ASB2: variants seen among roughly 807,000 people sequenced by gnomAD.
The protein encoded by ASB2 is ankyrin repeat and SOCS box protein 2.
ASB2 carries 58 observed loss-of-function variants against 62.4 expected under a neutral mutation model. That is an observed-to-expected ratio of 0.93 (90% CI 0.75 to 1.16). The LOEUF (loss-of-function observed/expected upper bound fraction) is 1.16. Ranked by LOEUF, ASB2 falls within the 50% of genes most tolerant of loss-of-function variation. The probability of loss-of-function intolerance (pLI) is 0.00; values close to 1 mark genes in which losing one functional copy is unlikely to be tolerated. For synonymous variants in ASB2, 386 were observed against 385.3 expected, an observed-to-expected ratio of 1.00 and a Z score of -0.02; for missense variants, 928 against 887.9, an observed-to-expected ratio of 1.05 and a Z score of -0.57.
chr14:93,958,248 G>A (rs1454687938), intron 2 of ASB2, among the ~76,000 whole-genome samples: 1 of 152,244 alleles, frequency 6.6e-6, no homozygotes, highest in Non-Finnish European at 1.5e-5. Flanking sequence ...CCGCCTGCAT[G>A]TGTCCTCATT....
At chr14:93,934,936 C>G in intron 9 of ASB2, 144 bp from the exon 10 acceptor site, 1 of 668,446 alleles carries the variant, frequency 1.5e-6, no homozygotes. Flanking sequence ...ACCCCAGTCC[C>G]TGCCAACTAA....
rs1441365100 is a variant in ASB2 at position 93,939,785 on chromosome 14, G to C, written c.1053-113C>G. 4 of 863,230 alleles carry C rather than the reference G, an allele frequency of 4.6e-6. No homozygotes were observed. In the East Asian group the frequency reaches 1.3e-4, roughly 29 times the overall value. The allele number at this position is 863,230 out of a possible 1,614,324, so 53.5% of individuals were successfully genotyped here. On this transcript the variant is annotated intron_variant, in intron 7 of 9. Transcript: ENST00000555019. ...CCAGGCTCGGCTGGTCGCCCTGACC[G>C]CGGGCTGCGACGCGGATCCCACCGG...
At chr14:93,969,934 G>A (rs921010977) in intron 1 of ASB2, 8 of 152,268 alleles carry the variant, frequency 5.3e-5, no homozygotes, top group Admixed American at 5.2e-4. Flanking sequence ...TTCATTCACA[G>A]CCGGCTCTCT....
intron 2 of ASB2, among the ~76,000 whole-genome samples, chr14:93,957,604 C>T (rs1016403951): frequency 1.3e-5 from 2 of 152,116 alleles, no homozygotes; most frequent in South Asian, 2.1e-4. Flanking sequence ...GCTCGAGGGC[C>T]GGTGAGGCCT....
rs753674190 is a variant in ASB2 at position 93,947,626 on chromosome 14, A to G, written c.881-106T>C. Reference sequence around the variant, plus strand: ...CCTGCTGTGCTAACCACGGTAATGCACGGGACCTTTAACAACGACCCTTAG... The same window carrying G: ...CCTGCTGTGCTAACCACGGTAATGCGCGGGACCTTTAACAACGACCCTTAG... On this transcript the variant is annotated intron_variant, in intron 6 of 9. Transcript: ENST00000555019. 1.3e-5 allele frequency: 15 copies of G among 1,157,166 alleles called. No homozygotes were observed. In the Admixed American group the frequency reaches 1.4e-4, roughly 11 times the overall value. 71.7% of individuals were successfully genotyped at this position (1,157,166 alleles called of 1,614,324 possible).
rs147311482 is a variant in ASB2 at position 93,976,281 on chromosome 14, G to A, written c.-74+153C>T. 1.2e-3 allele frequency among the ~76,000 whole-genome samples: 184 copies of A among 152,268 alleles called. 1 individual carries two copies. The highest frequency in any genetic ancestry group is 3.4e-3 in the Middle Eastern group (1 of 294). The stretch of plus-strand genomic sequence containing the variant: ...TGCATCCAAAACGAAAGTCACCAGC[G>A]TGCTGTATAACTCAAGAAAATACGA... On this transcript the variant is annotated intron_variant, in intron 1 of 9. Transcript: ENST00000555019.
chr14:93,951,032 G>C lies in ASB2; in HGVS notation c.847C>G (p.Gln283Glu). Reference sequence around the variant, plus strand: ...GCTAAGAACCTCAAGGCCTCCAACTGTCCACTCTGGGCGGCCACGAACAAG... The same window carrying C: ...GCTAAGAACCTCAAGGCCTCCAACTCTCCACTCTGGGCGGCCACGAACAAG... ...TPLFVAAQSG[Q>E]LEALRFLAKY... The change falls in exon 6 of 10, where the codon CAG becomes GAG. Residue 283 changes from glutamine to glutamate, a missense_variant. By Grantham distance (29) the Gln-to-Glu change is conservative (BLOSUM62 2). Coordinates refer to ENST00000555019, the MANE Select transcript of ASB2 (RefSeq NM_001202429.2). 6.2e-7 allele frequency: 1 copy of C among 1,614,114 alleles called. No homozygotes were observed. Among genetic ancestry groups the C allele is most frequent in the Non-Finnish European group, 8.5e-7 (1 of 1,180,024 alleles).
intron 8 of ASB2, 104 bp from the exon 9 acceptor site, chr14:93,937,955 C>T: frequency 8.2e-7 from 1 of 1,218,150 alleles, no homozygotes; most frequent in Admixed American, 2.3e-5. Context: ...ACTGTGCACA[C>T]CCAGGCTAGG....
At chr14:93,948,614 A>G (rs977300314) in intron 6 of ASB2, among the ~76,000 whole-genome samples, 1 of 152,226 alleles carries the variant, frequency 6.6e-6, no homozygotes, top group African/African-American at 2.4e-5. Context: ...TCAAGGAATA[A>G]GAGAATTACT....
At chr14:93,972,999 C>T (rs1294650632) in intron 1 of ASB2, among the ~76,000 whole-genome samples, 3 of 152,334 alleles carry the variant, frequency 2.0e-5, no homozygotes, top group East Asian at 3.9e-4. Flanking sequence ...TTCAAGCTCC[C>T]GGCTTTCGGG....
chr14:93,946,739 CTCTT>C (rs1888739461), intron 7 of ASB2, among the ~76,000 whole-genome samples: 1 of 152,250 alleles, frequency 6.6e-6, no homozygotes, highest in African/African-American at 2.4e-5. Context: ...TTAAGCCTCT[CTCTT>C]CTCACTCAGA....
intron 1 of ASB2, among the ~76,000 whole-genome samples, chr14:93,971,259 G>C (rs1889748961): frequency 6.6e-6 from 1 of 152,102 alleles, no homozygotes; most frequent in African/African-American, 2.4e-5. Context: ...CAATCATGGG[G>C]CTGGAGCTTG....
At chr14:93,954,744 G>C (rs891257829) in intron 3 of ASB2, among the ~76,000 whole-genome samples, 1 of 152,196 alleles carries the variant, frequency 6.6e-6, no homozygotes, top group Non-Finnish European at 1.5e-5. Context: ...CAGCCTCCTA[G>C]AGGGTGGCTA....
chr14:93,961,691 T>C (rs1374994718), intron 2 of ASB2, among the ~76,000 whole-genome samples: 1 of 152,208 alleles, frequency 6.6e-6, no homozygotes, highest in Non-Finnish European at 1.5e-5. Flanking sequence ...TTGCTGTGAA[T>C]TTATTTGGAC....
chr14:93,965,823 G>A (rs1392720848), intron 1 of ASB2, among the ~76,000 whole-genome samples: 1 of 152,250 alleles, frequency 6.6e-6, no homozygotes, highest in Admixed American at 6.5e-5. Flanking sequence ...ATGCGTCAAG[G>A]ATACACATGA....
At chr14:93,939,044 C>A (rs888964888) in intron 8 of ASB2, 64 bp downstream of exon 8, 36 of 1,306,408 alleles carry the variant, frequency 2.8e-5, no homozygotes, top group Admixed American at 1.4e-4. Context: ...GCCTCCCATG[C>A]GCGCGCGCGT....
intron 7 of ASB2, among the ~76,000 whole-genome samples, chr14:93,945,292 T>C (rs1186021635): frequency 1.3e-5 from 2 of 152,154 alleles, no homozygotes; most frequent in African/African-American, 4.8e-5. Flanking sequence ...TTTGCCCAAC[T>C]CTGACTGATG....
chr14:93,955,409 G>A (rs991610110), intron 3 of ASB2: 4 of 329,864 alleles, frequency 1.2e-5, no homozygotes, highest in Non-Finnish European at 2.4e-5. Context: ...GACCCAGCAA[G>A]GACGATGGGA....
intron 1 of ASB2, among the ~76,000 whole-genome samples, chr14:93,966,559 G>A (rs1250262506): frequency 6.6e-6 from 1 of 152,238 alleles, no homozygotes; most frequent in Non-Finnish European, 1.5e-5. Flanking sequence ...GATACAATGA[G>A]TTTGGCATAA....
Sources: allele counts gnomAD v4.1 joint callset (sites outside exome capture counted in the v4.1 genomes callset), GRCh38; gene constraint gnomAD v4.1.1; transcripts MANE v1.5; gene names NCBI Gene and HGNC (gene_info 2026-07-23, HGNC 2026-07-21).